LRRFIP2: variants seen among roughly 807,000 people sequenced by gnomAD.
LRRFIP2 encodes the protein LRR binding FLII interacting protein 2, also known as leucine-rich repeat flightless-interacting protein 2.
Under a neutral mutation model 125.9 loss-of-function variants are expected in LRRFIP2, and 109 were observed. The ratio of observed to expected loss-of-function variants is 0.87; its 90% confidence interval spans 0.74 to 1.01. The LOEUF is 1.01. LRRFIP2 is among the 50% of genes least tolerant of loss of function. The probability of loss-of-function intolerance (pLI) is 0.00; values close to 1 mark genes in which losing one functional copy is unlikely to be tolerated. For synonymous variants in LRRFIP2, 291 were observed against 293.1 expected, an observed-to-expected ratio of 0.99 and a Z score of 0.07; for missense variants, 850 against 862.3, an observed-to-expected ratio of 0.99 and a Z score of 0.18.
intron 1 of LRRFIP2, among the ~76,000 whole-genome samples, chr3:37,150,877 C>A (rs2096003941): frequency 6.6e-6 from 1 of 152,180 alleles, no homozygotes; most frequent in South Asian, 2.1e-4. Context: ...CTAAATAAAG[C>A]AGAACTATTC....
intron 18 of LRRFIP2, among the ~76,000 whole-genome samples, chr3:37,091,228 GA>G (rs113267946): frequency 0.45 from 64,810 of 145,264 alleles, 14,516 homozygotes; most frequent in Non-Finnish European, 0.5. Context: ...AAATAAAAAA[GA>G]AAAAAAAAAA....
chr3:37,100,424 A>G (rs536969908), intron 15 of LRRFIP2, among the ~76,000 whole-genome samples: 9 of 134,690 alleles, frequency 6.7e-5, no homozygotes, highest in South Asian at 4.4e-4. Context: ...ATATACATAC[A>G]TATATGTATA....
chr3:37,135,318 G>C (rs1332925879), intron 2 of LRRFIP2, among the ~76,000 whole-genome samples: 1 of 151,944 alleles, frequency 6.6e-6, no homozygotes, highest in African/African-American at 2.4e-5. Context: ...AATTAGCTGG[G>C]CATGGTGGCG....
chr3:37,143,545 C>A, intron 2 of LRRFIP2: 1 of 248,236 alleles, frequency 4.0e-6, no homozygotes. Flanking sequence ...TCAAGAAGTC[C>A]TCCTTGTCCT....
intron 1 of LRRFIP2, among the ~76,000 whole-genome samples, chr3:37,161,152 T>G (rs923957822): frequency 5.4e-5 from 7 of 130,836 alleles, no homozygotes; most frequent in Admixed American, 8.8e-5. Flanking sequence ...GAGACCAGCC[T>G]GGTCAACATG....
At chr3:37,093,955 T>C (rs1293961699) in intron 17 of LRRFIP2, among the ~76,000 whole-genome samples, 1 of 152,256 alleles carries the variant, frequency 6.6e-6, no homozygotes, top group Non-Finnish European at 1.5e-5. Flanking sequence ...GCTCAGAGTT[T>C]GTCTTTTCTG....
chr3:37,149,970 C>T (rs950632323), intron 1 of LRRFIP2, among the ~76,000 whole-genome samples: 1 of 151,612 alleles, frequency 6.6e-6, no homozygotes, highest in African/African-American at 2.4e-5. Context: ...CACTGGACTC[C>T]AGCCTGGGTG....
At chr3:37,162,125 C>T (rs1277906268) in intron 1 of LRRFIP2, among the ~76,000 whole-genome samples, 2 of 129,206 alleles carry the variant, frequency 1.5e-5, no homozygotes, top group African/African-American at 6.0e-5. Context: ...TACTGTACTC[C>T]AGCCTGGGTG....
At chr3:37,128,279 G>C (rs2095338830) in intron 3 of LRRFIP2, among the ~76,000 whole-genome samples, 1 of 152,094 alleles carries the variant, frequency 6.6e-6, no homozygotes, top group Admixed American at 6.6e-5. Flanking sequence ...GTTTAATACT[G>C]TCCCATAGGC....
chr3:37,085,706 C>T (rs1339308378), intron 18 of LRRFIP2, among the ~76,000 whole-genome samples: 7 of 151,820 alleles, frequency 4.6e-5, no homozygotes, highest in East Asian at 2.0e-4. Context: ...CTCAGCCTCC[C>T]GCGTAGCTGG....
At chr3:37,078,039 G>GTT (rs1255473570) in intron 19 of LRRFIP2, among the ~76,000 whole-genome samples, 1 of 152,098 alleles carries the variant, frequency 6.6e-6, no homozygotes, top group African/African-American at 2.4e-5. Flanking sequence ...TGGGTACAGA[G>GTT]TTCTAGTTTT....
At chr3:37,064,046 T>TTAAAGACAAACAGAAG (rs1437152294) in intron 23 of LRRFIP2, 2 of 425,946 alleles carry the variant, frequency 4.7e-6, no homozygotes. Flanking sequence ...GATTTGCCAC[T>TTAAAGACAAACAGAAG]TAAAGACAAA....
chr3:37,056,485 G>T (rs896073565), intron 25 of LRRFIP2, among the ~76,000 whole-genome samples: 1 of 148,816 alleles, frequency 6.7e-6, no homozygotes, highest in South Asian at 2.1e-4. Flanking sequence ...ATGGAGTCTC[G>T]CTCTGTCGCC....
rs755504368 is a variant in LRRFIP2, at chr3:37,111,074, A to G, written c.439-9T>C. On this transcript the variant is annotated splice_polypyrimidine_tract_variant and intron_variant, in intron 8 of 27. Coordinates refer to ENST00000336686, the MANE Select transcript of LRRFIP2 (RefSeq NM_006309.4). ...TCAAAGTAGAGGCCACTCTGCAAAA[A>G]GCAAAATTAAACACATTTTTCTTAG... 6.2e-7 allele frequency: 1 copy of G among 1,612,196 alleles called. No homozygotes were observed. The highest frequency in any genetic ancestry group is 2.2e-5 in the East Asian group (1 of 44,754).
At chr3:37,089,091 A>G (rs2093276558) in intron 18 of LRRFIP2, among the ~76,000 whole-genome samples, 1 of 152,078 alleles carries the variant, frequency 6.6e-6, no homozygotes, top group African/African-American at 2.4e-5. Context: ...TACATCTTGG[A>G]AAGTTTTCAG....
At chr3:37,126,973 T>C (rs931642313) in intron 4 of LRRFIP2, among the ~76,000 whole-genome samples, 1 of 152,078 alleles carries the variant, frequency 6.6e-6, no homozygotes, top group African/African-American at 2.4e-5. Context: ...ACAATAAAAA[T>C]ACCTGTGGGC....
In LRRFIP2 at chr3:37,054,508, C is replaced by T. The variant is rs376522215; in HGVS notation, c.1958G>A (p.Arg653Gln). Residue 653 changes from arginine to glutamine, a missense_variant, in exon 27 of 28, where the codon CGG (arginine) becomes CAG (glutamine). Arg to Gln is a conservative substitution (Grantham distance 43). Transcript: ENST00000336686. The stretch of plus-strand genomic sequence containing the variant: ...ATATCTCAGAACCTGTCCCTCAAGC[C>T]GGCTAATCTGTAAGTATGAGAACAT... ...DITTLEQSIS[R>Q]LEGQVLRYKT... 2.2e-5 allele frequency: 35 copies of T among 1,612,938 alleles called. No individual in the cohort carries two copies. The highest frequency in any genetic ancestry group is 2.7e-5 in the African/African-American group (2 of 74,886).
intron 15 of LRRFIP2, among the ~76,000 whole-genome samples, chr3:37,100,499 T>C (rs1412824824): frequency 6.7e-6 from 1 of 150,172 alleles, no homozygotes; most frequent in Non-Finnish European, 1.5e-5. Context: ...TTGCAGACTA[T>C]AAAATAACAG....
Position 37,053,591 on chromosome 3 carries a change from A to C in LRRFIP2, c.*260T>G. On this transcript the variant is annotated 3_prime_UTR_variant, in exon 28 of 28. Coordinates refer to ENST00000336686, the MANE Select transcript of LRRFIP2 (RefSeq NM_006309.4). The stretch of plus-strand genomic sequence containing the variant: ...AGCTGGGGAAAAACGTTGAGTAAAC[A>C]TGATTCTACAATTACGGAGATAAAA... 1 of 399,788 alleles carries C rather than the reference A, an allele frequency of 2.5e-6. No homozygotes were observed. Among genetic ancestry groups the C allele is most frequent in the Non-Finnish European group, 4.6e-6 (1 of 218,604 alleles). The allele number at this position is 399,788 out of a possible 1,614,324, so 24.8% of individuals were successfully genotyped here. A position where few individuals can be genotyped will look rare whatever the true frequency, so the allele number is the denominator to read the frequency against.
Sources: gnomAD v4.1 joint callset for allele counts (sites outside exome capture counted in the v4.1 genomes callset) on GRCh38, gnomAD v4.1.1 for gene constraint, MANE v1.5 for transcripts, NCBI Gene and HGNC (gene_info 2026-07-23, HGNC 2026-07-21) for gene names.